CDC42BPB: variants seen among roughly 807,000 people sequenced by gnomAD.
The protein encoded by CDC42BPB is serine/threonine-protein kinase MRCK beta.
In CDC42BPB, 37 loss-of-function variants were observed where a neutral mutation model predicts 214.9. The ratio of observed to expected loss-of-function variants is 0.17; its 90% CI spans 0.13 to 0.23. The LOEUF is 0.23. CDC42BPB is among the 10% of genes least tolerant of loss of function. The pLI is 1.00. For synonymous variants in CDC42BPB, 931 were observed against 884.0 expected (o/e 1.05, Z -0.94); for missense variants, 1,694 against 2,227.0 (o/e 0.76, Z 4.82).
rs556723798 is a variant in CDC42BPB at position 102,943,396 on chromosome 14, C to T, written c.4408+495G>A. On this transcript the variant is annotated intron_variant, in intron 30 of 36. Transcript: ENST00000361246. This position sits in a 1 kb window ranked among gnomAD's most constrained non-coding sequence, Gnocchi z 4.6. Reference sequence around the variant, plus strand: ...TGCCAACTAGGCGAATTCAGTGACCCAACTGTTTGAAAAACAGCCCCTACC... The same window carrying T: ...TGCCAACTAGGCGAATTCAGTGACCTAACTGTTTGAAAAACAGCCCCTACC... 2.6e-5 allele frequency among the ~76,000 whole-genome samples: 4 copies of T among 152,304 alleles called. No individual in the cohort carries two copies. Among genetic ancestry groups the T allele is most frequent in the African/African-American group, 9.6e-5 (4 of 41,564 alleles).
intron 12 of CDC42BPB, 195 bp from the exon 13 acceptor site, chr14:102,972,356 G>T: frequency 3.0e-6 from 3 of 984,914 alleles, no homozygotes; most frequent in Non-Finnish European, 3.6e-6. Context: ...TGGGAAGGCC[G>T]CCTGGGCTCA....
chr14:102,960,527 C>T (rs1405205377), intron 20 of CDC42BPB, among the ~76,000 whole-genome samples: 4 of 152,094 alleles, frequency 2.6e-5, no homozygotes, highest in South Asian at 4.1e-4. Flanking sequence ...GAGACAGAGA[C>T]AGGAGGATCA....
Position 102,978,180 on chromosome 14 carries a change from G to C in CDC42BPB, c.1166C>G (p.Thr389Arg), listed in dbSNP as rs759102366. 3.3e-5 allele frequency: 53 copies of C among 1,613,600 alleles called. No homozygotes were observed. The highest frequency in any genetic ancestry group is 4.3e-5 in the Non-Finnish European group (51 of 1,179,624). The change falls in exon 9 of 37, where the codon ACA becomes AGA. Residue 389 changes from threonine to arginine, a missense_variant. Physicochemically the swap from Thr to Arg is moderately conservative, Grantham distance 71. Coordinates refer to ENST00000361246, the MANE Select transcript of CDC42BPB (RefSeq NM_006035.4). ...NTEILPPGSH[T>R]GFSGLHLPFI... ...TGGCAAATGTAATCCAGAAAAGCCT[G>C]TGTGAGAACCAGGAGGTAATATTTC...
rs201844707 is a variant in CDC42BPB at position 103,032,932 on chromosome 14, T to TAA, written c.176-20745_176-20744insTT. On this transcript the variant is annotated intron_variant, in intron 1 of 36. Transcript: ENST00000361246. Reference sequence around the variant, plus strand: ...GTGCCCGGCCACAAATCCACTTTTTTTAAAAAAAAAAAAAAAGGAAATTTA... The same window carrying TAA: ...GTGCCCGGCCACAAATCCACTTTTTTAATAAAAAAAAAAAAAAAGGAAATTTA... Among the ~76,000 whole-genome samples, 3 of 150,612 alleles carry TAA rather than the reference T, an allele frequency of 2.0e-5. No individual in the cohort carries two copies. In the East Asian group the frequency reaches 5.8e-4, roughly 29 times the overall value.
chr14:103,041,903 C>T, intron 1 of CDC42BPB: 2 of 416,214 alleles, frequency 4.8e-6, no homozygotes, highest in South Asian at 2.0e-5. Context: ...CTGAAACTGG[C>T]CACCCAGCTG....
Position 102,992,727 on chromosome 14 carries a change from TCTG to T in CDC42BPB, c.597-6150_597-6148del, listed in dbSNP as rs368025321. Reference sequence around the variant, plus strand: ...AAAGAAAAAAATCAAAAGGAAAACATCTGCTGAATATACATATATTCAAAAATA... The same window carrying T: ...AAAGAAAAAAATCAAAAGGAAAACATCTGAATATACATATATTCAAAAATA... On this transcript the variant is annotated intron_variant, in intron 5 of 36. Coordinates refer to ENST00000361246, the MANE Select transcript of CDC42BPB (RefSeq NM_006035.4). Among the ~76,000 whole-genome samples the T allele has an allele frequency of 8.3e-4, 126 of 150,902 alleles. No individual in the cohort carries two copies. The East Asian group carries it at 8.4e-3, about 10-fold the overall frequency.
intron 1 of CDC42BPB, among the ~76,000 whole-genome samples, chr14:103,030,623 G>C (rs983326213): frequency 3.9e-5 from 6 of 152,168 alleles, no homozygotes; most frequent in African/African-American, 1.2e-4. Flanking sequence ...TTCGACCTGG[G>C]AGGTGGAGGT....
At chr14:102,952,720 T>G (rs763157920) in intron 23 of CDC42BPB, 117 bp from the exon 24 acceptor site, 3 of 1,481,084 alleles carry the variant, frequency 2.0e-6, no homozygotes, top group Non-Finnish European at 2.7e-6. Flanking sequence ...GGTGGAAATG[T>G]GCAAGTTCTG....
intron 11 of CDC42BPB, among the ~76,000 whole-genome samples, chr14:102,975,212 AAAT>A (rs1222684755): frequency 2.0e-5 from 3 of 152,198 alleles, no homozygotes; most frequent in African/African-American, 7.2e-5. Context: ...GGTGACTATA[AAAT>A]AATATCATTA....
In CDC42BPB at chr14:102,944,060, G is replaced by T; in HGVS notation, c.4239C>A (p.Asp1413Glu). 6.2e-7 allele frequency: 1 copy of T among 1,613,606 alleles called. No homozygotes were observed. The highest frequency in any genetic ancestry group is 8.5e-7 in the Non-Finnish European group (1 of 1,180,020). Residue 1413 changes from aspartate (D) to glutamate (E), a missense_variant, in exon 30 of 37, where the codon GAC (aspartate) becomes GAA (glutamate). This residue lies in a region of CDC42BPB where 567 missense variants were observed against 790.3 expected (regional missense o/e 0.72). Transcript: ENST00000361246. The surrounding 1 kb of genome is among the most constrained non-coding windows in gnomAD (Gnocchi z 6.6). ...GTTGTGAGAGGAACGCAAGCGAGGGGTCATTGGGATTTACCAGGTTTAGAG... is the reference window on the plus strand; with the variant it reads ...GTTGTGAGAGGAACGCAAGCGAGGGTTCATTGGGATTTACCAGGTTTAGAG... Reference protein sequence around the residue: ...GQPLNLVNPNDPSLAFLSQQS... With the variant: ...GQPLNLVNPNEPSLAFLSQQS...
At chr14:103,056,381 G>T (rs528450706) in intron 1 of CDC42BPB, among the ~76,000 whole-genome samples, 12 of 152,304 alleles carry the variant, frequency 7.9e-5, no homozygotes, top group African/African-American at 2.9e-4. Context: ...ACAAGGGGAT[G>T]TAGACAGGCT....
chr14:103,016,789 G>A (rs1886490067), intron 1 of CDC42BPB, among the ~76,000 whole-genome samples: 3 of 151,242 alleles, frequency 2.0e-5, no homozygotes, highest in South Asian at 4.2e-4. Context: ...ATATATGGGT[G>A]TGAACATACA....
In CDC42BPB at chr14:103,011,928, C is replaced by A. The variant is rs35098766; in HGVS notation, c.267+169G>T. 4.5e-3 allele frequency among the ~76,000 whole-genome samples: 690 copies of A among 152,238 alleles called. 6 individuals are homozygous for A. Among genetic ancestry groups the A allele is most frequent in the African/African-American group, 0.016 (666 of 41,540 alleles). On this transcript the variant is annotated intron_variant, in intron 2 of 36. Coordinates refer to ENST00000361246, the MANE Select transcript of CDC42BPB (RefSeq NM_006035.4). ...CCCAGGAGTTCAAAGCCAGCCTGGGCAACATGGTGAGACCTCATCTTAGAA... is the reference window on the plus strand; with the variant it reads ...CCCAGGAGTTCAAAGCCAGCCTGGGAAACATGGTGAGACCTCATCTTAGAA...
chr14:103,045,836 C>G (rs1317010858), intron 1 of CDC42BPB, among the ~76,000 whole-genome samples: 1 of 152,192 alleles, frequency 6.6e-6, no homozygotes, highest in African/African-American at 2.4e-5. Context: ...TCAAGGACAA[C>G]GTGAGCTCCA....
chr14:102,951,406 T>A (rs934179849), intron 24 of CDC42BPB, among the ~76,000 whole-genome samples: 1 of 151,992 alleles, frequency 6.6e-6, no homozygotes, highest in Non-Finnish European at 1.5e-5. Flanking sequence ...TGGCTTGGGG[T>A]GGTTGCTCAT....
At chr14:102,935,435 G>GA (rs1287733337) in intron 36 of CDC42BPB, among the ~76,000 whole-genome samples, 4 of 152,178 alleles carry the variant, frequency 2.6e-5, no homozygotes, top group African/African-American at 9.7e-5. Context: ...AAACATTGCT[G>GA]AAAAAATAGC....
At chr14:103,035,919 A>C (rs1245394912) in intron 1 of CDC42BPB, among the ~76,000 whole-genome samples, 1 of 152,124 alleles carries the variant, frequency 6.6e-6, no homozygotes. Flanking sequence ...TGGAAGGCCA[A>C]GGCAGGAGGA....
At chr14:102,988,911 T>C (rs899364591) in intron 5 of CDC42BPB, among the ~76,000 whole-genome samples, 1 of 151,692 alleles carries the variant, frequency 6.6e-6, no homozygotes, top group African/African-American at 2.4e-5. Flanking sequence ...ACGTGGGTTT[T>C]CTTTTTCTGG....
chr14:102,999,601 G>A lies in CDC42BPB; in HGVS notation c.560C>T (p.Ala187Val), dbSNP rs760028278. The change falls in exon 5 of 37, where the codon GCC becomes GTC. Residue 187 changes from alanine (A) to valine (V), a missense_variant. By Grantham distance (64) the Ala-to-Val change is moderately conservative. Transcript: ENST00000361246. The stretch of plus-strand genomic sequence containing the variant: ...ATGAAGCTGATGGATGGAGTCAATG[G>A]CCAGCACCATTTCACCAATGTAGAA... ...ARFYIGEMVL[A>V]IDSIHQLHYV... 6.2e-7 allele frequency: 1 copy of A among 1,614,098 alleles called. No individual in the cohort carries two copies. Among genetic ancestry groups the A allele is most frequent in the Admixed American group, 1.7e-5 (1 of 60,014 alleles).
Sources: gnomAD v4.1 joint callset for allele counts (sites outside exome capture counted in the v4.1 genomes callset) on GRCh38, gnomAD v4.1.1 for gene constraint, gnomAD v4.1.1 regional missense constraint, Gnocchi (gnomAD v3.1) non-coding constraint, MANE v1.5 for transcripts, NCBI Gene and HGNC (gene_info 2026-07-23, HGNC 2026-07-21) for gene names.